Variants in RBFOX1 observed in about 807,000 individuals in gnomAD.
RBFOX1 encodes the protein RNA binding fox-1 homolog 1.
In RBFOX1, 8 loss-of-function variants were observed where a neutral mutation model predicts 57.7. The ratio of observed to expected loss-of-function variants is 0.14; its 90% CI spans 0.08 to 0.25. The LOEUF (loss-of-function observed/expected upper bound fraction) is 0.25. Ranked by LOEUF, RBFOX1 falls within the 10% of genes least tolerant of loss-of-function variation. The pLI, the probability that RBFOX1 is intolerant of heterozygous loss-of-function variation, is 1.00. For missense variants in RBFOX1, 611 were observed against 548.5 expected (o/e 1.11, Z -1.14); for synonymous variants, 326 against 222.4 (o/e 1.47, Z -4.15).
chr16:6,383,404 A>T (rs916265501), intron 2 of RBFOX1, among the ~76,000 whole-genome samples: 1 of 152,142 alleles, frequency 6.6e-6, no homozygotes, highest in South Asian at 2.1e-4. Context: ...GTGCAGTCAG[A>T]CAGTTCTTTT....
At chr16:6,099,299 T>C (rs181239999) in intron 1 of RBFOX1, among the ~76,000 whole-genome samples, 6 of 152,300 alleles carry the variant, frequency 3.9e-5, no homozygotes, top group African/African-American at 1.4e-4. Flanking sequence ...GGTGTATAGA[T>C]GATTTCATGA....
At chr16:6,881,358 CAACA>C (rs1255788497) in intron 3 of RBFOX1, among the ~76,000 whole-genome samples, 3 of 152,156 alleles carry the variant, frequency 2.0e-5, no homozygotes, top group African/African-American at 7.2e-5. Context: ...GTGGCTAAAA[CAACA>C]AACAGTTACT....
intron 1 of RBFOX1, among the ~76,000 whole-genome samples, chr16:6,063,915 C>T (rs896964534): frequency 1.3e-5 from 2 of 152,174 alleles, no homozygotes; most frequent in Non-Finnish European, 1.5e-5. Context: ...TAATTTATTA[C>T]CTTTTATTTC....
At chr16:7,397,880 C>T (rs991784686) in intron 4 of RBFOX1, among the ~76,000 whole-genome samples, 2 of 152,096 alleles carry the variant, frequency 1.3e-5, no homozygotes, top group African/African-American at 2.4e-5. Context: ...TTAGTTTTCT[C>T]ATCTGTAAAA....
intron 3 of RBFOX1, among the ~76,000 whole-genome samples, chr16:5,814,804 C>T (rs184597185): frequency 0.017 from 2,541 of 152,260 alleles, 35 homozygotes; most frequent in Non-Finnish European, 0.026. Context: ...TGGAGGGCGC[C>T]TGTAGTCCCA....
chr16:5,562,503 G>A (rs184545602), intron 2 of RBFOX1, among the ~76,000 whole-genome samples: 3,708 of 93,308 alleles, frequency 0.04, 102 homozygotes, highest in African/African-American at 0.093. Flanking sequence ...AGGAGAAGAA[G>A]GGGGAGGACC....
chr16:5,913,944 C>T (rs551690601), intron 4 of RBFOX1, among the ~76,000 whole-genome samples: 1 of 152,370 alleles, frequency 6.6e-6, no homozygotes, highest in East Asian at 1.9e-4. Context: ...TCCTCTCATT[C>T]CGTCATGAGG....
chr16:6,549,941 T>C (rs2096960544), intron 2 of RBFOX1, among the ~76,000 whole-genome samples: 4 of 152,204 alleles, frequency 2.6e-5, no homozygotes, highest in Admixed American at 2.6e-4. Context: ...AGTTCACAGA[T>C]GCTTTCTTTG....
intron 1 of RBFOX1, among the ~76,000 whole-genome samples, chr16:6,023,732 G>C (rs922201721): frequency 2.6e-5 from 4 of 152,124 alleles, no homozygotes; most frequent in Non-Finnish European, 5.9e-5. Flanking sequence ...ATTAATACTG[G>C]CTGACTTTCC....
chr16:5,313,611 C>T lies in RBFOX1; in HGVS notation c.219+73506C>T, dbSNP rs576372771. On this transcript the variant is annotated intron_variant, in intron 1 of 2. Coordinates refer to the RBFOX1 transcript ENST00000585867. ...CATGGCTGGGGAGGCCTCACAGTCA[C>T]GGTGGAAGGCAAGGAGGAGCAAGGC... Among the ~76,000 whole-genome samples, 30 of 152,016 alleles carry T rather than the reference C, an allele frequency of 2.0e-4. 2 individuals carry two copies. In the South Asian group the frequency reaches 5.7e-3, roughly 29 times the overall value.
chr16:6,058,948 T>C (rs1051771791), intron 1 of RBFOX1, among the ~76,000 whole-genome samples: 3 of 152,242 alleles, frequency 2.0e-5, no homozygotes, highest in Non-Finnish European at 4.4e-5. Flanking sequence ...AGCTTTCTTT[T>C]CTGTGAATCT....
chr16:5,333,533 G>C (rs1029658820), intron 1 of RBFOX1, among the ~76,000 whole-genome samples: 8 of 152,314 alleles, frequency 5.3e-5, no homozygotes, highest in African/African-American at 1.7e-4. Context: ...CTTCCCTGTG[G>C]TTTGGTTTGA....
intron 4 of RBFOX1, among the ~76,000 whole-genome samples, chr16:5,897,980 G>A (rs2058208745): frequency 6.6e-6 from 1 of 152,014 alleles, no homozygotes. Context: ...CTCTCAGGCT[G>A]CTAATAAAGA....
intron 4 of RBFOX1, among the ~76,000 whole-genome samples, chr16:5,950,715 A>G (rs897951765): frequency 5.3e-5 from 8 of 152,192 alleles, no homozygotes; most frequent in Non-Finnish European, 8.8e-5. Flanking sequence ...AACATTTATC[A>G]GGCACCTACT....
intron 4 of RBFOX1, among the ~76,000 whole-genome samples, chr16:5,885,781 G>C (rs1247287766): frequency 6.6e-6 from 1 of 152,128 alleles, no homozygotes; most frequent in Admixed American, 6.5e-5. Flanking sequence ...CCTTCACTGG[G>C]CATCTGCATC....
chr16:6,247,988 A>G (rs2097578755), intron 1 of RBFOX1, among the ~76,000 whole-genome samples: 1 of 152,134 alleles, frequency 6.6e-6, no homozygotes, highest in South Asian at 2.1e-4. Context: ...TCTGACATTG[A>G]TGTTACTGTC....
At position 6,164,404 on chromosome 16, in the gene RBFOX1, A is replaced by G. The variant is rs554124959; in HGVS notation, c.-127+144412A>G. On this transcript the variant is annotated intron_variant, in intron 1 of 15. Coordinates refer to ENST00000550418, the MANE Select transcript of RBFOX1 (RefSeq NM_018723.4). ...GTATCCTGAGGAATCTTGCATTTCC[A>G]AAATATATATATATTAGTTAGAAGT... 2.0e-5 allele frequency among the ~76,000 whole-genome samples: 3 copies of G among 152,180 alleles called. No homozygotes were observed. The South Asian group carries it at 6.2e-4, about 32-fold the overall frequency.
chr16:5,674,217 G>T (rs890696697), intron 3 of RBFOX1, among the ~76,000 whole-genome samples: 3 of 152,210 alleles, frequency 2.0e-5, no homozygotes, highest in Non-Finnish European at 4.4e-5. Flanking sequence ...TCTGGAAGGA[G>T]CATAGGGTAT....
At chr16:5,608,467 C>T (rs78000054) in intron 3 of RBFOX1, among the ~76,000 whole-genome samples, 1 of 152,326 alleles carries the variant, frequency 6.6e-6, no homozygotes, top group Non-Finnish European at 1.5e-5. Context: ...AGTCCCAGCC[C>T]TGCCACCTAT....
Sources: allele counts gnomAD v4.1 joint callset (sites outside exome capture counted in the v4.1 genomes callset), GRCh38; gene constraint gnomAD v4.1.1; transcripts MANE v1.5; gene names NCBI Gene and HGNC (gene_info 2026-07-23, HGNC 2026-07-21).